Variants in PDE8B observed in about 807,000 individuals in gnomAD.
The protein encoded by PDE8B is high affinity cAMP-specific and IBMX-insensitive 3',5'-cyclic phosphodiesterase 8B.
PDE8B carries 26 observed loss-of-function variants against 101.3 expected under a neutral mutation model. That is an observed-to-expected ratio of 0.26 (90% CI 0.19 to 0.36). The LOEUF is 0.36. Among genes scored for constraint, PDE8B ranks in the 10% least tolerant of loss-of-function variants. The pLI is 1.00. For synonymous variants in PDE8B, 424 were observed against 429.3 expected (o/e 0.99, Z 0.15); for missense variants, 810 against 1,163.1 (o/e 0.70, Z 4.42).
chr5:77,377,991 G>A (rs933529401), intron 10 of PDE8B, among the ~76,000 whole-genome samples: 7 of 139,842 alleles, frequency 5.0e-5, no homozygotes, highest in East Asian at 2.1e-4. Context: ...TCGCTTGCTC[G>A]CTCTCTCCCT....
At chr5:77,195,927 G>A in the PDE8B span, among the ~76,000 whole-genome samples, 1 of 152,178 alleles carries the variant, frequency 6.6e-6, no homozygotes. Flanking sequence ...AAATCTGCGT[G>A]TAAGTGGACC....
At chr5:77,225,636 T>A (rs1752173201) in intron 1 of PDE8B, among the ~76,000 whole-genome samples, 2 of 152,176 alleles carry the variant, frequency 1.3e-5, no homozygotes, top group African/African-American at 4.8e-5. Flanking sequence ...GCTTCTGGAC[T>A]TTTTAAGTGG....
At chr5:77,174,017 C>A in the PDE8B span, among the ~76,000 whole-genome samples, 1 of 152,174 alleles carries the variant, frequency 6.6e-6, no homozygotes, top group Admixed American at 6.5e-5. Context: ...TACCTTCTGG[C>A]CATCTGCTTA....
rs561057267 is a variant in PDE8B at position 77,387,105 on chromosome 5, G to A, written c.1168-13143G>A. ...TCACCTTGTTAGCCAGGATGGTCTC[G>A]ATCTCCTGACCTCATGATCCACCCG... On this transcript the variant is annotated intron_variant, in intron 10 of 21. Transcript: ENST00000264917. 9.9e-5 allele frequency among the ~76,000 whole-genome samples: 15 copies of A among 151,550 alleles called. 1 individual carries two copies. The East Asian group carries it at 2.7e-3, about 28-fold the overall frequency.
chr5:77,401,000 G>A (rs1024356630), intron 11 of PDE8B, among the ~76,000 whole-genome samples: 2 of 152,150 alleles, frequency 1.3e-5, no homozygotes, highest in Non-Finnish European at 2.9e-5. Context: ...TAAGTGTTTA[G>A]TCTCTCTTCT....
chr5:77,376,303 C>T (rs1023882693), intron 10 of PDE8B, among the ~76,000 whole-genome samples: 4 of 152,240 alleles, frequency 2.6e-5, no homozygotes, highest in African/African-American at 4.8e-5. Context: ...TTTAACTGCT[C>T]GACCGCATGG....
the PDE8B span, among the ~76,000 whole-genome samples, chr5:77,100,595 T>TG: frequency 6.6e-6 from 1 of 152,298 alleles, no homozygotes; most frequent in South Asian, 2.1e-4. Context: ...GGAAAAGACC[T>TG]GGGAGGCAAC....
intron 1 of PDE8B, among the ~76,000 whole-genome samples, chr5:77,279,224 T>C (rs750305543): frequency 2.0e-5 from 3 of 152,242 alleles, no homozygotes; most frequent in Non-Finnish European, 4.4e-5. Context: ...AATTCTTTGA[T>C]GATTTGTATT....
chr5:77,371,768 T>G (rs944813904), intron 10 of PDE8B, among the ~76,000 whole-genome samples: 8 of 152,234 alleles, frequency 5.3e-5, no homozygotes, highest in African/African-American at 1.9e-4. Flanking sequence ...CTCAGCAATG[T>G]TAAGTAGTTT....
intron 14 of PDE8B, 58 bp from the exon 15 acceptor site, chr5:77,411,618 A>G: frequency 1.4e-6 from 2 of 1,402,070 alleles, no homozygotes; most frequent in Non-Finnish European, 1.0e-6. Context: ...AATAAAAAAA[A>G]AAAGAGAATG....
chr5:77,148,754 T>C, the PDE8B span, among the ~76,000 whole-genome samples: 1 of 152,196 alleles, frequency 6.6e-6, no homozygotes, highest in Admixed American at 6.5e-5. Context: ...TTGTAAGAGT[T>C]TTTTCTTTAT....
At chr5:77,329,734 G>C (rs1561535447) in intron 4 of PDE8B, among the ~76,000 whole-genome samples, 1 of 152,324 alleles carries the variant, frequency 6.6e-6, no homozygotes, top group East Asian at 1.9e-4. Context: ...AACAAAATTT[G>C]TTGTAGTCTT....
intron 12 of PDE8B, among the ~76,000 whole-genome samples, chr5:77,406,464 T>A (rs927919683): frequency 2.0e-5 from 3 of 152,198 alleles, no homozygotes; most frequent in African/African-American, 7.2e-5. Flanking sequence ...TCTGAGAGGA[T>A]AAGGGATGAG....
At chr5:77,281,922 G>GGAGC (rs755881017) in intron 1 of PDE8B, among the ~76,000 whole-genome samples, 3 of 152,294 alleles carry the variant, frequency 2.0e-5, no homozygotes, top group South Asian at 2.1e-4. Context: ...ATCATTTGTG[G>GGAGC]GAGCGATCTG....
chr5:77,386,530 A>G (rs550698450), intron 10 of PDE8B, among the ~76,000 whole-genome samples: 12 of 152,250 alleles, frequency 7.9e-5, no homozygotes, highest in African/African-American at 2.9e-4. Context: ...ACCATTATGT[A>G]ATGGCCTTCT....
the PDE8B span, chr5:77,106,262 T>C: frequency 6.6e-6 from 1 of 152,360 alleles, no homozygotes; most frequent in African/African-American, 2.4e-5. Context: ...GCCAAGATTT[T>C]CTCCTAGGTT....
intron 1 of PDE8B, among the ~76,000 whole-genome samples, chr5:77,213,198 G>A (rs1748876170): frequency 6.6e-6 from 1 of 152,210 alleles, no homozygotes; most frequent in African/African-American, 2.4e-5. Flanking sequence ...AGTATTAAAA[G>A]GCTTGACCTG....
the PDE8B span, among the ~76,000 whole-genome samples, chr5:77,180,653 A>C: frequency 6.6e-6 from 1 of 152,070 alleles, no homozygotes; most frequent in Non-Finnish European, 1.5e-5. Context: ...TGCGTGTCCT[A>C]GTGCCAACTA....
At chr5:77,260,582 A>T (rs865999496) in intron 1 of PDE8B, among the ~76,000 whole-genome samples, 1,465 of 114,988 alleles carry the variant, frequency 0.013, 23 homozygotes, top group Middle Eastern at 0.023. Context: ...ACTGTGGCTC[A>T]TTTTTTTTTT....
Sources: gnomAD v4.1 joint callset for allele counts (sites outside exome capture counted in the v4.1 genomes callset) on GRCh38, gnomAD v4.1.1 for gene constraint, MANE v1.5 for transcripts, NCBI Gene and HGNC (gene_info 2026-07-23, HGNC 2026-07-21) for gene names.